The following ATXN7L1 variants were observed in gnomAD, a reference collection of about 807,000 sequenced individuals.
The protein encoded by ATXN7L1 is ataxin 7 like 1.
A neutral mutation model predicts 70.8 loss-of-function variants in ATXN7L1; 15 were observed. The ratio of observed to expected loss-of-function variants is 0.21; its 90% CI spans 0.14 to 0.33. The LOEUF (loss-of-function observed/expected upper bound fraction) is 0.33, where lower values mean the gene tolerates loss of function less well. ATXN7L1 is among the 10% of genes least tolerant of loss of function. The pLI is 1.00. For missense variants in ATXN7L1, 975 were observed against 1,097.1 expected, an observed-to-expected ratio of 0.89 and a Z score of 1.57; for synonymous variants, 440 against 445.1, an observed-to-expected ratio of 0.99 and a Z score of 0.14.
In ATXN7L1 at chr7:105,614,373, G is replaced by A. The variant is rs1307774489; in HGVS notation, c.1961C>T (p.Ser654Phe). 3.2e-6 allele frequency: 5 copies of A among 1,552,456 alleles called. No individual in the cohort carries two copies. Among genetic ancestry groups the A allele is most frequent in the Admixed American group, 2.0e-5 (1 of 51,012 alleles). ...KRKPQSSTSSSSSSSSSSLQT... is the reference protein window; with the variant it reads ...KRKPQSSTSSFSSSSSSSLQT... Reference sequence around the variant, plus strand: ...CAAGGAAGAGGAGGAGGAGGAGGAGGAGGAGGAAGTCGAAGACTGTGGCTT... The same window carrying A: ...CAAGGAAGAGGAGGAGGAGGAGGAGAAGGAGGAAGTCGAAGACTGTGGCTT... The change falls in exon 10 of 12, where the codon TCC (serine) becomes TTC (phenylalanine). Residue 654 changes from serine (S) to phenylalanine (F), a missense_variant. Physicochemically the swap from Ser to Phe is radical, Grantham distance 155. Around this residue, in one of 5 missense-constraint regions of ATXN7L1, gnomAD observed 635 missense variants for 699.4 expected, o/e 0.91. Transcript: ENST00000419735. The surrounding 1 kb of genome is among the most constrained non-coding windows in gnomAD (Gnocchi z 4.3).
At position 105,824,144 on chromosome 7, in the gene ATXN7L1, G is replaced by GA. The variant is rs1318876515; in HGVS notation, c.251-35437dup. Among the ~76,000 whole-genome samples, 7 of 152,216 alleles carry GA rather than the reference G, an allele frequency of 4.6e-5. No homozygotes were observed. The East Asian group carries it at 1.3e-3, about 29-fold the overall frequency. ...GCAGGAAAGGGGATAATTCATCTCT[G>GA]AAAAAACAGAGAGGAATTCTTCTAA... On this transcript the variant is annotated intron_variant, in intron 2 of 11. Transcript: ENST00000419735.
At chr7:105,668,450 T>G (rs963980423) in intron 3 of ATXN7L1, among the ~76,000 whole-genome samples, 2 of 152,074 alleles carry the variant, frequency 1.3e-5, no homozygotes, top group African/African-American at 4.8e-5. Flanking sequence ...CAGGCTGGAG[T>G]GCAGTGGCAG....
intron 2 of ATXN7L1, among the ~76,000 whole-genome samples, chr7:105,856,803 A>ATG (rs139766738): frequency 0.019 from 2,840 of 149,316 alleles, 72 homozygotes; most frequent in African/African-American, 0.054. Flanking sequence ...GTGTGTGTGT[A>ATG]TGTGTGTGTG....
intron 2 of ATXN7L1, among the ~76,000 whole-genome samples, chr7:105,870,581 G>A (rs1280279976): frequency 6.6e-6 from 1 of 151,952 alleles, no homozygotes; most frequent in Non-Finnish European, 1.5e-5. Flanking sequence ...CTTATAGTTA[G>A]GGACACTTAT....
intron 4 of ATXN7L1, among the ~76,000 whole-genome samples, chr7:105,658,814 A>G (rs1054230060): frequency 4.6e-5 from 7 of 150,596 alleles, no homozygotes; most frequent in Non-Finnish European, 1.0e-4. Context: ...GATTACAGGC[A>G]TGAGCCACCA....
At chr7:105,680,418 T>A (rs948675860) in intron 3 of ATXN7L1, among the ~76,000 whole-genome samples, 2 of 152,154 alleles carry the variant, frequency 1.3e-5, no homozygotes, top group African/African-American at 4.8e-5. Flanking sequence ...TTTCCCCTCT[T>A]GTTGAGAGAG....
chr7:105,679,051 C>G, intron 3 of ATXN7L1: 1 of 985,160 alleles, frequency 1.0e-6, no homozygotes, highest in Non-Finnish European at 1.2e-6. Flanking sequence ...CTCACACTTA[C>G]ACATCCCGGG....
chr7:105,750,556 C>T (rs1420622777), intron 3 of ATXN7L1, among the ~76,000 whole-genome samples: 2 of 152,108 alleles, frequency 1.3e-5, no homozygotes, highest in Non-Finnish European at 2.9e-5. Context: ...AATCCCAGCA[C>T]TTTGGGAGGC....
chr7:105,866,643 G>C (rs1326812741), intron 2 of ATXN7L1, among the ~76,000 whole-genome samples: 1 of 152,194 alleles, frequency 6.6e-6, no homozygotes, highest in Admixed American at 6.5e-5. Flanking sequence ...GAGAGAGTAA[G>C]AGAATGCCAG....
At chr7:105,807,959 A>T (rs1228285741) in intron 2 of ATXN7L1, among the ~76,000 whole-genome samples, 1 of 152,242 alleles carries the variant, frequency 6.6e-6, no homozygotes, top group Non-Finnish European at 1.5e-5. Context: ...AAGTCCTTAA[A>T]GAGGCCTGAG....
In ATXN7L1 at chr7:105,736,445, T is replaced by TAA. The variant is rs544428454; in HGVS notation, c.355+52157_355+52158dup. 2.3e-3 allele frequency among the ~76,000 whole-genome samples: 354 copies of TAA among 152,304 alleles called. 2 individuals are homozygous for TAA. Among genetic ancestry groups the TAA allele is most frequent in the African/African-American group, 7.8e-3 (326 of 41,562 alleles). ...CAGGCAAGGTTGCTGGCTCAGAACT[T>TAA]AAAAATATGAGTGGTTTGTTCCTGG... On this transcript the variant is annotated intron_variant, in intron 3 of 11. Coordinates refer to ENST00000419735, the MANE Select transcript of ATXN7L1 (RefSeq NM_020725.2).
intron 3 of ATXN7L1, among the ~76,000 whole-genome samples, chr7:105,737,543 G>A (rs1455513427): frequency 4.2e-5 from 4 of 95,176 alleles, no homozygotes; most frequent in Admixed American, 1.9e-4. Flanking sequence ...GTGTGTGTGT[G>A]TGTGTGTGTG....
At position 105,750,439 on chromosome 7, in the gene ATXN7L1, C is replaced by T. The variant is rs562569337; in HGVS notation, c.355+38165G>A. On this transcript the variant is annotated intron_variant, in intron 3 of 11. Transcript: ENST00000419735. ...TACAGGCACGTGTCACCACACCTGG[C>T]TAATTTTTGATTGTTTTGTAGAGAC... Among the ~76,000 whole-genome samples, 3 of 151,710 alleles carry T rather than the reference C, an allele frequency of 2.0e-5. No homozygotes were observed. The South Asian group carries it at 6.2e-4, about 32-fold the overall frequency.
chr7:105,871,072 G>A (rs1818190551), intron 2 of ATXN7L1, among the ~76,000 whole-genome samples: 1 of 145,018 alleles, frequency 6.9e-6, no homozygotes, highest in Non-Finnish European at 1.5e-5. Flanking sequence ...TATTTTTAAT[G>A]TGAGGGCTTG....
chr7:105,656,848 G>A (rs956700882), intron 4 of ATXN7L1, among the ~76,000 whole-genome samples: 2 of 152,156 alleles, frequency 1.3e-5, no homozygotes, highest in African/African-American at 2.4e-5. Context: ...AATTACAGGC[G>A]TGAGCCACCA....
chr7:105,718,649 C>T (rs1279463625), intron 3 of ATXN7L1, among the ~76,000 whole-genome samples: 1 of 152,152 alleles, frequency 6.6e-6, no homozygotes, highest in African/African-American at 2.4e-5. Flanking sequence ...ATGTGGCCAG[C>T]CAGGTTGGAA....
At chr7:105,701,399 C>G (rs1263666439) in intron 3 of ATXN7L1, among the ~76,000 whole-genome samples, 1 of 152,122 alleles carries the variant, frequency 6.6e-6, no homozygotes, top group Non-Finnish European at 1.5e-5. Flanking sequence ...GTACAACACA[C>G]AGACAAACAC....
intron 6 of ATXN7L1, among the ~76,000 whole-genome samples, chr7:105,639,272 G>GTTTTT (rs11357544): frequency 4.7e-5 from 6 of 128,072 alleles, no homozygotes; most frequent in African/African-American, 1.7e-4. Flanking sequence ...GGGAAGCCTA[G>GTTTTT]TTTTTTTTTT....
At chr7:105,654,763 C>T (rs539252395) in intron 4 of ATXN7L1, among the ~76,000 whole-genome samples, 11 of 150,086 alleles carry the variant, frequency 7.3e-5, no homozygotes, top group Admixed American at 5.3e-4. Flanking sequence ...TTTTTTGAGA[C>T]GGAGTCTTGC....
Sources: gnomAD v4.1 joint callset for allele counts (sites outside exome capture counted in the v4.1 genomes callset) on GRCh38, gnomAD v4.1.1 for gene constraint, gnomAD v4.1.1 regional missense constraint, Gnocchi (gnomAD v3.1) non-coding constraint, MANE v1.5 for transcripts, NCBI Gene and HGNC (gene_info 2026-07-23, HGNC 2026-07-21) for gene names.